AGO1: variants seen among roughly 807,000 people sequenced by gnomAD.
AGO1 encodes protein argonaute-1.
Under a neutral mutation model 109.2 loss-of-function variants are expected in AGO1, and 11 were observed. The ratio of observed to expected loss-of-function variants is 0.10; its 90% CI spans 0.06 to 0.17. AGO1 has a LOEUF of 0.17. AGO1 is among the 10% of genes least tolerant of loss of function. The probability of loss-of-function intolerance (pLI) is 1.00; values close to 1 mark genes in which losing one functional copy is unlikely to be tolerated. For missense variants in AGO1, 574 were observed against 1,140.3 expected (o/e 0.50, Z 7.15); for synonymous variants, 422 against 418.6 (o/e 1.01, Z -0.10).
chr1:35,869,783 G>A (rs1297611178), upstream of AGO1: 1 of 152,286 alleles, frequency 6.6e-6, no homozygotes, highest in Non-Finnish European at 1.5e-5. Context: ...GGACCTGTGA[G>A]GACGCCACGT....
At chr1:35,892,456 T>G in intron 2 of AGO1, 101 bp from the exon 3 acceptor site, 18 of 1,461,604 alleles carry the variant, frequency 1.2e-5, no homozygotes, top group Non-Finnish European at 1.7e-5. Flanking sequence ...ATGTTAGGAG[T>G]GAGTATAATA....
At chr1:35,915,570 C>T (rs1220924894) in intron 15 of AGO1, 28 bp downstream of exon 15, 2 of 1,601,390 alleles carry the variant, frequency 1.2e-6, no homozygotes, top group Non-Finnish European at 1.7e-6. Flanking sequence ...TGGAGAAAAC[C>T]TTCACATCAT....
intron 11 of AGO1, 121 bp from the exon 12 acceptor site, chr1:35,906,808 GAAAAAA>G: frequency 3.7e-6 from 2 of 537,910 alleles, no homozygotes; most frequent in East Asian, 3.5e-5. Flanking sequence ...CTGTCTCAAG[GAAAAAA>G]AAAAAAAAAA....
At chr1:35,889,274 C>T (rs565913188) in intron 2 of AGO1, among the ~76,000 whole-genome samples, 8 of 145,390 alleles carry the variant, frequency 5.5e-5, no homozygotes, top group African/African-American at 1.5e-4. Flanking sequence ...AGTGCAATGG[C>T]GCGATCTCAA....
At position 35,901,867 on chromosome 1, in the gene AGO1, G is replaced by C; in HGVS notation, c.1141-81G>C. On this transcript the variant is annotated intron_variant, in intron 9 of 18. Transcript: ENST00000373204. This position sits in a 1 kb window ranked among gnomAD's most constrained non-coding sequence, Gnocchi z 4.8. ...CCGTACCAACCCCAGCTTCTCCTTA[G>C]GGTTCTCTCCTTGATACCCAGAGGG... 1 of 1,515,226 alleles carries C rather than the reference G, an allele frequency of 6.6e-7. No individual in the cohort carries two copies. The highest frequency in any genetic ancestry group is 8.8e-7 in the Non-Finnish European group (1 of 1,131,480). The allele number at this position is 1,515,226 out of a possible 1,614,324, so 93.9% of individuals were successfully genotyped here. A position where few individuals can be genotyped will look rare whatever the true frequency, so the allele number is the denominator to read the frequency against.
At chr1:35,872,347 G>A (rs904584436) in intron 1 of AGO1, among the ~76,000 whole-genome samples, 6 of 151,538 alleles carry the variant, frequency 4.0e-5, no homozygotes, top group South Asian at 4.2e-4. Flanking sequence ...CATCACACCC[G>A]GCTAATTTTT....
At chr1:35,899,852 T>C (rs540848426) in intron 8 of AGO1, among the ~76,000 whole-genome samples, 83 of 152,312 alleles carry the variant, frequency 5.4e-4, no homozygotes, top group Middle Eastern at 3.4e-3. Flanking sequence ...TATTTTTTTT[T>C]CTCATGTTTG....
chr1:35,918,560 T>C, intron 17 of AGO1, 137 bp downstream of exon 17: 1 of 837,240 alleles, frequency 1.2e-6, no homozygotes, highest in South Asian at 1.5e-5. Context: ...TGTTTTGTTT[T>C]GTTTTGAGGC....
intron 11 of AGO1, 142 bp downstream of exon 11, chr1:35,902,479 C>G (rs946529546): frequency 2.2e-5 from 25 of 1,138,476 alleles, no homozygotes; most frequent in Non-Finnish European, 2.8e-5. Context: ...GCTCAAACTT[C>G]TACCAATTCT....
chr1:35,922,913 C>T lies in AGO1; in HGVS notation c.*3306C>T, dbSNP rs1344515647. ...CTAAATCTGGTTCTTTTTCTCTTTA[C>T]CTGGGGCCTGGCTTTTCTGAGATTG... On this transcript the variant is annotated 3_prime_UTR_variant, in exon 19 of 19. Transcript: ENST00000373204. 1 of 152,388 alleles carries T rather than the reference C, an allele frequency of 6.6e-6. No individual in the cohort carries two copies. Among genetic ancestry groups the T allele is most frequent in the Non-Finnish European group, 1.5e-5 (1 of 68,214 alleles). The allele number at this position is 152,388 out of a possible 1,614,324, so 9.4% of individuals were successfully genotyped here.
chr1:35,916,029 A>AT (rs34460002), intron 15 of AGO1, among the ~76,000 whole-genome samples: 24,221 of 146,196 alleles, frequency 0.17, 4,480 homozygotes, highest in East Asian at 0.69. Context: ...GCCAGCCTTC[A>AT]TTTTTTTTTT....
rs1243777480 is a variant in AGO1, at chr1:35,893,712, A to C, written c.551A>C (p.Glu184Ala). Residue 184 changes from glutamate to alanine, a missense_variant, in exon 5 of 19, where the codon GAG (glutamate) becomes GCG (alanine). This residue lies in a region of AGO1 where 129 missense variants were observed against 243.0 expected (regional missense o/e 0.53). Coordinates refer to ENST00000373204, the MANE Select transcript of AGO1 (RefSeq NM_012199.5). This position sits in a 1 kb window ranked among gnomAD's most constrained non-coding sequence, Gnocchi z 5.6. The stretch of plus-strand genomic sequence containing the variant: ...GGCCGCTCCTTCTTCTCACCGCCTG[A>C]GGGCTACTACCACCCGCTGGGGGGT... ...PVGRSFFSPPEGYYHPLGGGR... is the reference protein window; with the variant it reads ...PVGRSFFSPPAGYYHPLGGGR... 1 of 1,613,840 alleles carries C rather than the reference A, an allele frequency of 6.2e-7. No individual in the cohort carries two copies.
upstream of AGO1, among the ~76,000 whole-genome samples, chr1:35,878,476 A>G (rs1645009727): frequency 6.6e-6 from 1 of 152,068 alleles, no homozygotes; most frequent in Non-Finnish European, 1.5e-5. Context: ...TGATATATGT[A>G]TTTGTTTCTT....
chr1:35,911,584 A>AT (rs1449977987), intron 12 of AGO1, among the ~76,000 whole-genome samples: 2 of 151,460 alleles, frequency 1.3e-5, no homozygotes, highest in East Asian at 3.9e-4. Flanking sequence ...TGATTTTTAT[A>AT]TTTTATCTGG....
At chr1:35,880,358 T>C (rs1207715192), upstream of AGO1, among the ~76,000 whole-genome samples, 1 of 152,050 alleles carries the variant, frequency 6.6e-6, no homozygotes, top group Non-Finnish European at 1.5e-5. Context: ...AAGACCAGCC[T>C]GGGCAATATA....
intron 11 of AGO1, 90 bp from the exon 12 acceptor site, chr1:35,906,845 T>A: frequency 8.6e-7 from 1 of 1,163,230 alleles, no homozygotes; most frequent in Non-Finnish European, 1.2e-6. Context: ...CAGTGCCTCT[T>A]ATAGTGCTAA....
intron 8 of AGO1, among the ~76,000 whole-genome samples, chr1:35,895,538 T>C (rs1645302786): frequency 6.6e-6 from 1 of 152,216 alleles, no homozygotes; most frequent in African/African-American, 2.4e-5. Context: ...ACAGAGATTT[T>C]AGATACCCAC....
chr1:35,911,324 A>T (rs755768268), intron 12 of AGO1, among the ~76,000 whole-genome samples: 11 of 152,186 alleles, frequency 7.2e-5, no homozygotes, highest in African/African-American at 1.7e-4. Flanking sequence ...GAATGATTTT[A>T]AAAAATCATT....
chr1:35,914,051 T>C (rs1645689807), intron 13 of AGO1, 50 bp downstream of exon 13: 6 of 1,610,576 alleles, frequency 3.7e-6, no homozygotes, highest in Non-Finnish European at 5.1e-6. Flanking sequence ...ATGCTGGGAA[T>C]TGATGAAGAG....
Sources: allele counts gnomAD v4.1 joint callset (sites outside exome capture counted in the v4.1 genomes callset), GRCh38; gene constraint gnomAD v4.1.1; regional missense constraint gnomAD v4.1.1; non-coding constraint Gnocchi (gnomAD v3.1); transcripts MANE v1.5; gene names NCBI Gene and HGNC (gene_info 2026-07-23, HGNC 2026-07-21).